SOX5: variants seen among roughly 807,000 people sequenced by gnomAD.
The protein encoded by SOX5 is transcription factor SOX-5.
SOX5 carries 9 observed loss-of-function variants against 92.0 expected under a neutral mutation model. That is an observed-to-expected ratio of 0.10 (90% CI 0.06 to 0.17). The LOEUF is 0.17. Among genes scored for constraint, SOX5 ranks in the 10% least tolerant of loss-of-function variants. The pLI is 1.00. For synonymous variants in SOX5, 344 were observed against 336.3 expected, an observed-to-expected ratio of 1.02 and a Z score of -0.25; for missense variants, 642 against 944.5, an observed-to-expected ratio of 0.68 and a Z score of 4.20.
At chr12:23,819,380 A>G (rs1057238683) in intron 3 of SOX5, among the ~76,000 whole-genome samples, 6 of 152,186 alleles carry the variant, frequency 3.9e-5, no homozygotes, top group Non-Finnish European at 8.8e-5. Flanking sequence ...AAATATGTTT[A>G]GTTTAGAGAT....
chr12:24,049,225 T>C (rs1957318843), intron 4 of SOX5, among the ~76,000 whole-genome samples: 1 of 152,188 alleles, frequency 6.6e-6, no homozygotes, highest in Non-Finnish European at 1.5e-5. Context: ...TTTAGTGTGT[T>C]AGGTCAAGGT....
At position 23,845,656 on chromosome 12, in the gene SOX5, G is replaced by T. The variant is rs1273355956; in HGVS notation, c.481+327C>A. ...TTAATCCTCAAGGGAAAAAAAAATG[G>T]AGAGAAACAAACTAGGCTGCAGATA... is the stretch of plus-strand genomic sequence containing the variant. On this transcript the variant is annotated intron_variant, in intron 3 of 14. Transcript: ENST00000451604. Among the ~76,000 whole-genome samples the T allele has an allele frequency of 3.3e-5, 5 of 152,024 alleles. No individual in the cohort carries two copies. In the East Asian group the frequency reaches 9.7e-4, roughly 29 times the overall value.
chr12:24,333,859 A>G (rs868844895), intron 2 of SOX5, among the ~76,000 whole-genome samples: 3,261 of 151,666 alleles, frequency 0.022, 114 homozygotes, highest in African/African-American at 0.068. Flanking sequence ...GTTAAAAAAA[A>G]AAAAAAAAAG....
At chr12:23,841,551 G>A (rs1215889956) in intron 3 of SOX5, among the ~76,000 whole-genome samples, 1 of 152,058 alleles carries the variant, frequency 6.6e-6, no homozygotes, top group East Asian at 1.9e-4. Flanking sequence ...ACCAATATGT[G>A]CTTTGATAGG....
Position 23,702,751 on chromosome 12 carries a change from AGT to A in SOX5, c.810+31931_810+31932del, listed in dbSNP as rs144961077. On this transcript the variant is annotated intron_variant, in intron 6 of 14. Coordinates refer to ENST00000451604, the MANE Select transcript of SOX5 (RefSeq NM_006940.6). Reference sequence around the variant, plus strand: ...AAATGAACCAAAAAGAGAAACAGAGAGTGTGTGTGTGTGTGTGTGTGCACGTA... The same window carrying A: ...AAATGAACCAAAAAGAGAAACAGAGAGTGTGTGTGTGTGTGTGTGCACGTA... 1.9e-3 allele frequency among the ~76,000 whole-genome samples: 285 copies of A among 148,890 alleles called. 2 individuals carry two copies. Among genetic ancestry groups the A allele is most frequent in the African/African-American group, 5.7e-3 (235 of 40,922 alleles).
chr12:23,652,517 G>GTTTT (rs3030242), intron 7 of SOX5, among the ~76,000 whole-genome samples: 46 of 140,068 alleles, frequency 3.3e-4, no homozygotes, highest in African/African-American at 1.1e-3. Flanking sequence ...CTCTTCTACT[G>GTTTT]TTTTTTTTTT....
At chr12:24,384,275 G>T (rs78499896) in intron 1 of SOX5, among the ~76,000 whole-genome samples, 2,005 of 152,288 alleles carry the variant, frequency 0.013, 51 homozygotes, top group African/African-American at 0.046. Context: ...GCTCCTACAA[G>T]AGTCTAGTGC....
chr12:23,837,299 TATATAAG>T (rs1257998625), intron 3 of SOX5, among the ~76,000 whole-genome samples: 16 of 105,654 alleles, frequency 1.5e-4, no homozygotes, highest in South Asian at 2.7e-4. Flanking sequence ...ATTTATATAA[TATATAAG>T]ATATATTTAT....
intron 4 of SOX5, among the ~76,000 whole-genome samples, chr12:24,031,674 T>C (rs1955523508): frequency 6.6e-6 from 1 of 151,796 alleles, no homozygotes; most frequent in African/African-American, 2.4e-5. Context: ...GCACTCTGTG[T>C]TAACCCATAA....
At chr12:23,539,554 T>C (rs1941439294) in intron 13 of SOX5, among the ~76,000 whole-genome samples, 1 of 148,584 alleles carries the variant, frequency 6.7e-6, no homozygotes, top group Non-Finnish European at 1.5e-5. Flanking sequence ...ATAGTTGAGG[T>C]CTTTCGGTGG....
At chr12:24,377,410 A>G (rs1424189095) in intron 1 of SOX5, among the ~76,000 whole-genome samples, 1 of 152,220 alleles carries the variant, frequency 6.6e-6, no homozygotes, top group Non-Finnish European at 1.5e-5. Flanking sequence ...AAAATTCTAG[A>G]ATCACTGTAC....
At position 24,100,619 on chromosome 12, in the gene SOX5, T is replaced by C. The variant is rs554767556; in HGVS notation, c.-2+112724A>G. Reference sequence around the variant, plus strand: ...CCATCAGATGCCACTTTTATGTGCTTCTGATGAACAAATTTATGTCTCTAA... The same window carrying C: ...CCATCAGATGCCACTTTTATGTGCTCCTGATGAACAAATTTATGTCTCTAA... On this transcript the variant is annotated intron_variant, in intron 4 of 4. Coordinates refer to the SOX5 transcript ENST00000446891. Among the ~76,000 whole-genome samples the C allele has an allele frequency of 3.1e-4, 47 of 152,304 alleles. 1 individual carries two copies. The highest frequency in any genetic ancestry group is 1.0e-3 in the African/African-American group (42 of 41,570).
intron 4 of SOX5, among the ~76,000 whole-genome samples, chr12:24,186,824 T>G (rs371879517): frequency 7.9e-5 from 12 of 152,318 alleles, no homozygotes; most frequent in African/African-American, 2.9e-4. Context: ...TTTCTTTGGT[T>G]GGCAGAATTA....
chr12:24,234,958 A>G lies in SOX5; in HGVS notation c.-76-21541T>C, dbSNP rs1237411393. On this transcript the variant is annotated intron_variant, in intron 3 of 4. Transcript: ENST00000446891. ...AAACACACAGGTCAACTTCTTCCCC[A>G]TAAGAATTATCTAACCCAAATGTCA... Among the ~76,000 whole-genome samples, 5 of 152,296 alleles carry G rather than the reference A, an allele frequency of 3.3e-5. No individual in the cohort carries two copies. In the East Asian group the frequency reaches 5.8e-4, roughly 18 times the overall value.
intron 9 of SOX5, among the ~76,000 whole-genome samples, chr12:23,582,008 TACCATATGGGG>T (rs1361757602): frequency 1.2e-4 from 19 of 152,080 alleles, no homozygotes; most frequent in Non-Finnish European, 2.8e-4. Context: ...GTAGCAGTAA[TACCATATGGGG>T]ATGAGTAAAG....
chr12:23,686,335 G>A (rs2087580985), intron 6 of SOX5, among the ~76,000 whole-genome samples: 1 of 152,180 alleles, frequency 6.6e-6, no homozygotes, highest in African/African-American at 2.4e-5. Flanking sequence ...TGTAGCCCCA[G>A]TAAGTGTTTT....
intron 10 of SOX5, among the ~76,000 whole-genome samples, chr12:23,572,838 G>T (rs1565932735): frequency 6.6e-6 from 1 of 152,180 alleles, no homozygotes; most frequent in Non-Finnish European, 1.5e-5. Flanking sequence ...GCACACATGT[G>T]TCTGAAACCT....
intron 1 of SOX5, among the ~76,000 whole-genome samples, chr12:24,376,577 C>T (rs1308296244): frequency 6.7e-6 from 1 of 150,158 alleles, no homozygotes; most frequent in African/African-American, 2.5e-5. Context: ...CAATAATAAT[C>T]ATAAAAGCAA....
chr12:23,950,979 A>C (rs1595870032), upstream of SOX5: 2 of 41,448 alleles, frequency 4.8e-5, no homozygotes, highest in African/African-American at 1.4e-4. Flanking sequence ...ACACGCATGC[A>C]CACACACACA....
Sources: allele counts gnomAD v4.1 joint callset (sites outside exome capture counted in the v4.1 genomes callset), GRCh38; gene constraint gnomAD v4.1.1; transcripts MANE v1.5; gene names NCBI Gene and HGNC (gene_info 2026-07-23, HGNC 2026-07-21).